Variants in H6PD observed in about 807,000 individuals in gnomAD.
H6PD encodes the protein GDH/6PGL endoplasmic bifunctional protein.
H6PD carries 48 observed loss-of-function variants against 61.2 expected under a neutral mutation model. The ratio of observed to expected loss-of-function variants is 0.78; its 90% CI spans 0.62 to 1.00. The LOEUF (loss-of-function observed/expected upper bound fraction) is 1.00. Ranked by LOEUF, H6PD falls within the 50% of genes least tolerant of loss-of-function variation. The probability of loss-of-function intolerance (pLI) is 0.00; values close to 1 mark genes in which losing one functional copy is unlikely to be tolerated. For missense variants in H6PD, 1,093 were observed against 1,065.0 expected (o/e 1.03, Z -0.37); for synonymous variants, 480 against 457.9 (o/e 1.05, Z -0.62).
Position 9,247,053 on chromosome 1 carries a change from A to T in H6PD, c.715A>T (p.Ile239Phe), listed in dbSNP as rs748198697. 1 of 1,613,342 alleles carries T rather than the reference A, an allele frequency of 6.2e-7. No homozygotes were observed. Among genetic ancestry groups the T allele is most frequent in the Non-Finnish European group, 8.5e-7 (1 of 1,179,370 alleles). Residue 239 changes from isoleucine to phenylalanine, a missense_variant, in exon 3 of 5, where the codon ATC (isoleucine) becomes TTC (phenylalanine). By Grantham distance (21) the Ile-to-Phe change is conservative. Transcript: ENST00000377403. ...CCGGCACCATGTGGAGCGGGTGGAG[A>T]TCATCATGAAAGAGACCGTGGATGC... is the stretch of plus-strand genomic sequence containing the variant. ...WNRHHVERVE[I>F]IMKETVDAEG...
Position 9,245,061 on chromosome 1 carries a change from T to A in H6PD, c.127T>A (p.Trp43Arg). Residue 43 changes from tryptophan to arginine, a missense_variant, in exon 2 of 5, where the codon TGG becomes AGG. Trp to Arg is a moderately radical substitution (Grantham distance 101). Transcript: ENST00000377403. The surrounding 1 kb of genome is among the most constrained non-coding windows in gnomAD (Gnocchi z 4.8). The part of the protein sequence containing the change: ...ATGDLAKKYL[W>R]QGLFQLYLDE... Reference sequence around the variant, plus strand: ...TGGGGACCTGGCTAAGAAGTACTTATGGCAGGGACTGTTCCAGCTGTACCT... The same window carrying A: ...TGGGGACCTGGCTAAGAAGTACTTAAGGCAGGGACTGTTCCAGCTGTACCT... The A allele has an allele frequency of 6.2e-7, 1 of 1,614,228 alleles. No homozygotes were observed. Among genetic ancestry groups the A allele is most frequent in the South Asian group, 1.1e-5 (1 of 91,088 alleles).
intron 1 of H6PD, among the ~76,000 whole-genome samples, chr1:9,236,325 C>G (rs1640848256): frequency 6.6e-6 from 1 of 152,230 alleles, no homozygotes; most frequent in South Asian, 2.1e-4. Context: ...AAGAAGCTAG[C>G]AAGAAGGACT....
In H6PD at chr1:9,263,552, T is replaced by A; in HGVS notation, c.1059T>A (p.Pro353=). 1 of 1,614,160 alleles carries A rather than the reference T, an allele frequency of 6.2e-7. No individual in the cohort carries two copies. The change falls in exon 5 of 5, where the codon CCT becomes CCA. Residue 353 remains proline, a synonymous_variant. Transcript: ENST00000377403. ...ACAACCTTCGCTGGGAGGGCGTGCC[T>A]TTCATCCTGATGTCTGGCAAAGCCT... ...HIDNLRWEGV[P]FILMSGKALD...
In H6PD at chr1:9,264,642, G is replaced by A. The variant is rs934638697; in HGVS notation, c.2149G>A (p.Val717Met). The A allele has an allele frequency of 9.3e-6, 15 of 1,612,838 alleles. No individual in the cohort carries two copies. The highest frequency in any genetic ancestry group is 3.3e-5 in the South Asian group (3 of 91,086). The change falls in exon 5 of 5, where the codon GTG becomes ATG. Residue 717 changes from valine to methionine, a missense_variant. Transcript: ENST00000377403. ...PTGLDGEQLVVLTTSPSQPHR... is the reference protein window; with the variant it reads ...PTGLDGEQLVMLTTSPSQPHR... ...TGGCCTGGATGGCGAGCAGCTGGTC[G>A]TGCTGACCACGAGCCCCTCCCAGCC...
In H6PD at chr1:9,245,378, C is replaced by A; in HGVS notation, c.444C>A (p.Ala148=). ...TCTACTTCTCAGTGCCACCCTTCGCCTATGAAGACATTGCCCGCAACATCA... is the reference window on the plus strand; with the variant it reads ...TCTACTTCTCAGTGCCACCCTTCGCATATGAAGACATTGCCCGCAACATCA... ...RIFYFSVPPF[A]YEDIARNINS... The change falls in exon 2 of 5, where the codon GCC becomes GCA. Residue 148 remains alanine (A), a synonymous_variant. Coordinates refer to ENST00000377403, the MANE Select transcript of H6PD (RefSeq NM_004285.4). This position sits in a 1 kb window ranked among gnomAD's most constrained non-coding sequence, Gnocchi z 4.8. The A allele has an allele frequency of 1.2e-6, 2 of 1,614,168 alleles. No individual in the cohort carries two copies. Among genetic ancestry groups the A allele is most frequent in the Admixed American group, 3.3e-5 (2 of 60,024 alleles).
rs12032814 is a variant in H6PD at position 9,247,171 on chromosome 1, T to A, written c.745+88T>A. ...GCATGGGGCGCTTCTCAGAGGGAGG[T>A]TTTCTGTGGGTGTGTGGTCTCCCTT... On this transcript the variant is annotated intron_variant, in intron 3 of 4. Transcript: ENST00000377403. The A allele has an allele frequency of 0.22, 199,054 of 899,800 alleles. 23,554 individuals carry two copies. The highest frequency in any genetic ancestry group is 0.41 in the East Asian group (16,756 of 40,940). The allele number at this position is 899,800 out of a possible 1,614,324, so 55.7% of individuals were successfully genotyped here.
chr1:9,258,949 G>A (rs367908522), intron 3 of H6PD, among the ~76,000 whole-genome samples: 8 of 152,006 alleles, frequency 5.3e-5, no homozygotes, highest in African/African-American at 9.7e-5. Context: ...TTGCTGTTAC[G>A]ATGATGGTGT....
At chr1:9,256,774 T>G (rs1167191540) in intron 3 of H6PD, among the ~76,000 whole-genome samples, 1 of 152,226 alleles carries the variant, frequency 6.6e-6, no homozygotes, top group Non-Finnish European at 1.5e-5. Flanking sequence ...CACCCGTTTT[T>G]AAAAAAGAAT....
In H6PD at chr1:9,258,474, G is replaced by A. The variant is rs115078543; in HGVS notation, c.746-3585G>A. 4.3e-3 allele frequency among the ~76,000 whole-genome samples: 651 copies of A among 152,198 alleles called. 3 individuals carry two copies. Among genetic ancestry groups the A allele is most frequent in the African/African-American group, 0.015 (626 of 41,526 alleles). ...ACCAGTGTTATGTTGTTGTTACACC[G>A]GTGTTGTACACCATTGTTATGCCGG... On this transcript the variant is annotated intron_variant, in intron 3 of 4. Transcript: ENST00000377403.
intron 3 of H6PD, among the ~76,000 whole-genome samples, chr1:9,249,876 G>C (rs2100345380): frequency 6.6e-6 from 1 of 152,368 alleles, no homozygotes; most frequent in East Asian, 1.9e-4. Context: ...CCCCCAGCAA[G>C]TGGGCCTTGG....
chr1:9,245,324 C>G lies in H6PD; in HGVS notation c.390C>G (p.His130Gln). 1 of 1,614,216 alleles carries G rather than the reference C, an allele frequency of 6.2e-7. No homozygotes were observed. Among genetic ancestry groups the G allele is most frequent in the Non-Finnish European group, 8.5e-7 (1 of 1,180,020 alleles). Residue 130 changes from histidine to glutamine, a missense_variant, in exon 2 of 5, where the codon CAC becomes CAG. Physicochemically the swap from His to Gln is conservative, Grantham distance 24 (BLOSUM62 0). Transcript: ENST00000377403. The surrounding 1 kb of genome is among the most constrained non-coding windows in gnomAD (Gnocchi z 4.8). ...LNKDIEAQLQ[H>Q]AGLREAGRIF... ...AGGACATCGAGGCACAGCTCCAGCA[C>G]GCAGGCCTCCGGGAGGCTGGCAGGA...
intron 4 of H6PD, 77 bp downstream of exon 4, chr1:9,262,405 G>C (rs1638351519): frequency 1.5e-6 from 2 of 1,346,258 alleles, no homozygotes; most frequent in Non-Finnish European, 2.1e-6. Context: ...AGACGCCCTT[G>C]GGTGGAGTGG....
Position 9,262,237 on chromosome 1 carries a change from C to T in H6PD, c.924C>T (p.Ala308=), listed in dbSNP as rs139444060. The T allele has an allele frequency of 1.7e-4, 267 of 1,613,244 alleles. No homozygotes were observed. Among genetic ancestry groups the T allele is most frequent in the Admixed American group, 4.5e-4 (27 of 59,876 alleles). The change falls in exon 4 of 5, where the codon GCC becomes GCT. Residue 308 remains alanine, a synonymous_variant. Transcript: ENST00000377403. The part of the protein sequence containing the change: ...QALRGLQRGS[A]VVGQYQSYSE... The stretch of plus-strand genomic sequence containing the variant: ...TGCGGGGCCTGCAGAGGGGCAGTGC[C>T]GTCGTGGGCCAGTACCAGTCTTACA...
At chr1:9,263,278 C>T (rs1342024434) in intron 4 of H6PD, among the ~76,000 whole-genome samples, 2 of 152,128 alleles carry the variant, frequency 1.3e-5, no homozygotes, top group Non-Finnish European at 1.5e-5. Flanking sequence ...AGAGGGGCCT[C>T]AATGAAGGCA....
chr1:9,248,658 G>C (rs913281420), intron 3 of H6PD, among the ~76,000 whole-genome samples: 1 of 147,082 alleles, frequency 6.8e-6, no homozygotes, highest in Admixed American at 7.0e-5. Flanking sequence ...TGGGTGATGG[G>C]TGTTGCAGGC....
rs1252590751 is a variant in H6PD at position 9,254,931 on chromosome 1, G to A, written c.746-7128G>A. Among the ~76,000 whole-genome samples the A allele has an allele frequency of 6.6e-6, 1 of 152,146 alleles. No individual in the cohort carries two copies. Among genetic ancestry groups the A allele is most frequent in the East Asian group, 1.9e-4 (1 of 5,200 alleles). Reference sequence around the variant, plus strand: ...TCTCTCTGCGGGGTTGCCTGTTCTGGATATTTTGTACATATAGGATCATAC... The same window carrying A: ...TCTCTCTGCGGGGTTGCCTGTTCTGAATATTTTGTACATATAGGATCATAC... On this transcript the variant is annotated intron_variant, in intron 3 of 4. Coordinates refer to ENST00000377403, the MANE Select transcript of H6PD (RefSeq NM_004285.4). This position sits in a 1 kb window ranked among gnomAD's most constrained non-coding sequence, Gnocchi z 4.6.
rs1232064582 is a variant in H6PD at position 9,270,888 on chromosome 1, G to C, written c.*6019G>C. 6.6e-6 allele frequency: 1 copy of C among 151,948 alleles called. No individual in the cohort carries two copies. Among genetic ancestry groups the C allele is most frequent in the African/African-American group, 2.4e-5 (1 of 41,254 alleles). 9.4% of individuals were successfully genotyped at this position (151,948 alleles called of 1,614,324 possible). ...GAGGGGAACCCCACTGGTTTTTGTG[G>C]AAACAATGGAAACTTACAGATGCCT... On this transcript the variant is annotated 3_prime_UTR_variant, in exon 5 of 5. Coordinates refer to ENST00000377403, the MANE Select transcript of H6PD (RefSeq NM_004285.4).
rs1376260220 is a variant in H6PD, at chr1:9,263,847, G to C, written c.1354G>C (p.Val452Leu). The change falls in exon 5 of 5, where the codon GTG becomes CTG. Residue 452 changes from valine to leucine, a missense_variant. Physicochemically the swap from Val to Leu is conservative, Grantham distance 32 (BLOSUM62 1). Transcript: ENST00000377403. ...PLSDYYAYSP[V>L]RERDAHSVLL... Reference sequence around the variant, plus strand: ...GTCCGATTACTACGCCTACAGCCCTGTGCGGGAGCGGGACGCCCACTCCGT... The same window carrying C: ...GTCCGATTACTACGCCTACAGCCCTCTGCGGGAGCGGGACGCCCACTCCGT... The C allele has an allele frequency of 1.4e-5, 22 of 1,613,874 alleles. No homozygotes were observed. Among genetic ancestry groups the C allele is most frequent in the Non-Finnish European group, 1.8e-5 (21 of 1,180,030 alleles).
In H6PD at chr1:9,254,974, A is replaced by G. The variant is rs994040328; in HGVS notation, c.746-7085A>G. Among the ~76,000 whole-genome samples the G allele has an allele frequency of 6.6e-6, 1 of 152,202 alleles. No homozygotes were observed. Among genetic ancestry groups the G allele is most frequent in the African/African-American group, 2.4e-5 (1 of 41,458 alleles). The stretch of plus-strand genomic sequence containing the variant: ...GATCATACGGTGTGTGGTTTCCATC[A>G]GTTAGCATCCTGAGTTCAGAGTTCA... On this transcript the variant is annotated intron_variant, in intron 3 of 4. Transcript: ENST00000377403. The surrounding 1 kb of genome is among the most constrained non-coding windows in gnomAD (Gnocchi z 4.6).
Sources: allele counts gnomAD v4.1 joint callset (sites outside exome capture counted in the v4.1 genomes callset), GRCh38; gene constraint gnomAD v4.1.1; non-coding constraint Gnocchi (gnomAD v3.1); transcripts MANE v1.5; gene names NCBI Gene and HGNC (gene_info 2026-07-23, HGNC 2026-07-21).